PCDH15: variants seen among roughly 807,000 people sequenced by gnomAD.
PCDH15 encodes protocadherin related 15, also known as protocadherin-15.
PCDH15 carries 129 observed loss-of-function variants against 178.5 expected under a neutral mutation model. The observed-to-expected ratio is 0.72, with a 90% CI of 0.63 to 0.84. PCDH15 has a LOEUF of 0.84. Among genes scored for constraint, PCDH15 ranks in the 40% least tolerant of loss-of-function variants. The pLI is 0.00. For synonymous variants in PCDH15, 800 were observed against 732.0 expected (o/e 1.09, Z -1.50); for missense variants, 2,230 against 2,099.9 (o/e 1.06, Z -1.21).
intron 10 of PCDH15, among the ~76,000 whole-genome samples, chr10:54,208,977 CCTCT>C (rs954030763): frequency 1.3e-5 from 2 of 150,140 alleles, no homozygotes; most frequent in Admixed American, 1.3e-4. Flanking sequence ...CTTTTTTTTT[CCTCT>C]CTCTCTCTCT....
intron 1 of PCDH15, among the ~76,000 whole-genome samples, chr10:54,775,591 T>A (rs1370314880): frequency 6.6e-6 from 1 of 152,214 alleles, no homozygotes; most frequent in Non-Finnish European, 1.5e-5. Flanking sequence ...CTAGCTGTAA[T>A]TTTGTGTTCC....
In PCDH15 at chr10:55,387,313, G is replaced by T. The variant is rs116466719; in HGVS notation, c.-155-220662C>A. Among the ~76,000 whole-genome samples, 600 of 152,084 alleles carry T rather than the reference G, an allele frequency of 3.9e-3. 7 individuals carry two copies. Among genetic ancestry groups the T allele is most frequent in the African/African-American group, 0.013 (554 of 41,484 alleles). ...GTGGAGGCTGAAAGGGAGGAAACAT[G>T]GTCAGAATTATGCTAAATATGGCCC... On this transcript the variant is annotated intron_variant, in intron 2 of 5. Transcript: ENST00000613346.
intron 2 of PCDH15, among the ~76,000 whole-genome samples, chr10:54,621,176 C>G (rs142378378): frequency 1.3e-3 from 205 of 151,884 alleles, no homozygotes; most frequent in African/African-American, 4.6e-3. Flanking sequence ...TTTGCTTAAC[C>G]AAAGCAATAT....
At chr10:54,553,004 G>A (rs1485634559) in intron 2 of PCDH15, among the ~76,000 whole-genome samples, 1 of 152,052 alleles carries the variant, frequency 6.6e-6, no homozygotes, top group Non-Finnish European at 1.5e-5. Flanking sequence ...ATTATGTCAT[G>A]GATTTTTTCC....
chr10:54,917,137 C>T (rs910630952), intron 2 of PCDH15, among the ~76,000 whole-genome samples: 4 of 152,030 alleles, frequency 2.6e-5, no homozygotes, highest in African/African-American at 7.2e-5. Flanking sequence ...ACCATAAATA[C>T]GTAAAATGCA....
chr10:53,809,134 G>A (rs181269166), intron 37 of PCDH15: 2 of 1,613,658 alleles, frequency 1.2e-6, no homozygotes, highest in Non-Finnish European at 1.7e-6. Context: ...TGATTCAGGG[G>A]TGGAACTCTC....
intron 14 of PCDH15, 152 bp from the exon 15 acceptor site, chr10:54,133,159 C>A: frequency 1.1e-6 from 1 of 922,098 alleles, no homozygotes; most frequent in Non-Finnish European, 1.7e-6. Flanking sequence ...ATAGAAAAAA[C>A]TACCACCAAA....
chr10:54,130,470 A>G (rs146594362), intron 15 of PCDH15, among the ~76,000 whole-genome samples: 17 of 152,276 alleles, frequency 1.1e-4, no homozygotes, highest in African/African-American at 3.8e-4. Flanking sequence ...GACCCTTATT[A>G]GCATAACAGG....
At chr10:55,470,596 T>C (rs758149733) in intron 2 of PCDH15, among the ~76,000 whole-genome samples, 2 of 152,196 alleles carry the variant, frequency 1.3e-5, no homozygotes, top group Non-Finnish European at 2.9e-5. Flanking sequence ...TAGCCTCTTT[T>C]ACTGTCAACA....
intron 1 of PCDH15, among the ~76,000 whole-genome samples, chr10:54,717,949 A>C (rs1402321995): frequency 2.7e-5 from 4 of 146,468 alleles, no homozygotes; most frequent in African/African-American, 7.8e-5. Context: ...TGATGAGTTC[A>C]TGTCCTTTGT....
intron 23 of PCDH15, among the ~76,000 whole-genome samples, chr10:53,941,804 C>T (rs1277165936): frequency 1.3e-5 from 2 of 152,274 alleles, no homozygotes; most frequent in East Asian, 1.9e-4. Flanking sequence ...GCTGTTGCCC[C>T]ATATTCTAAC....
At chr10:54,829,739 C>CT in intron 3 of PCDH15, among the ~76,000 whole-genome samples, 2 of 152,118 alleles carry the variant, frequency 1.3e-5, no homozygotes, top group Middle Eastern at 6.8e-3. Context: ...TATGGACCAC[C>CT]TGGACAGTTG....
chr10:54,300,132 G>A lies in PCDH15; in HGVS notation c.876+17139C>T, dbSNP rs2060061158. On this transcript the variant is annotated intron_variant, in intron 8 of 37. Coordinates refer to ENST00000644397, the MANE Select transcript of PCDH15 (RefSeq NM_001384140.1). ...GACCTCCTCACTACTGAGAAAGGAG[G>A]ACTCTGCACCTTCTTAGGGGAAGAG... Among the ~76,000 whole-genome samples, 3 of 152,258 alleles carry A rather than the reference G, an allele frequency of 2.0e-5. No homozygotes were observed. The South Asian group carries it at 6.2e-4, about 32-fold the overall frequency.
chr10:54,849,008 C>G (rs1173710881), intron 3 of PCDH15, among the ~76,000 whole-genome samples: 1 of 151,874 alleles, frequency 6.6e-6, no homozygotes, highest in African/African-American at 2.4e-5. Context: ...CTTTATTGCC[C>G]TGCATATCTT....
chr10:54,308,528 G>A (rs1404975900), intron 8 of PCDH15, among the ~76,000 whole-genome samples: 4 of 151,448 alleles, frequency 2.6e-5, no homozygotes, highest in Non-Finnish European at 5.9e-5. Flanking sequence ...ATCTATAATT[G>A]GTGCTATGGT....
intron 2 of PCDH15, among the ~76,000 whole-genome samples, chr10:54,543,844 C>A (rs1455092171): frequency 4.6e-5 from 7 of 152,132 alleles, no homozygotes; most frequent in African/African-American, 1.7e-4. Flanking sequence ...CTGTTGCTCA[C>A]CAAACAGAGT....
At chr10:54,010,418 G>A (rs1011645839) in intron 20 of PCDH15, among the ~76,000 whole-genome samples, 2 of 152,038 alleles carry the variant, frequency 1.3e-5, no homozygotes, top group Admixed American at 6.5e-5. Flanking sequence ...ACCATTTTTT[G>A]CTGCTCCACA....
chr10:55,351,257 G>A (rs995853935), intron 2 of PCDH15, among the ~76,000 whole-genome samples: 2 of 151,022 alleles, frequency 1.3e-5, no homozygotes, highest in African/African-American at 2.4e-5. Context: ...CCCTTTATGC[G>A]TGACTCATGA....
At chr10:55,472,152 C>G (rs1839968944) in intron 2 of PCDH15, among the ~76,000 whole-genome samples, 1 of 152,128 alleles carries the variant, frequency 6.6e-6, no homozygotes, top group South Asian at 2.1e-4. Context: ...TTTGTGCTTT[C>G]TGAGATCATC....
Sources: allele counts gnomAD v4.1 joint callset (sites outside exome capture counted in the v4.1 genomes callset), GRCh38; gene constraint gnomAD v4.1.1; transcripts MANE v1.5; gene names NCBI Gene and HGNC (gene_info 2026-07-23, HGNC 2026-07-21).